The following HSD17B11 variants were observed in gnomAD, a reference collection of about 807,000 sequenced individuals.
HSD17B11 encodes hydroxysteroid 17-beta dehydrogenase 11, also known as estradiol 17-beta-dehydrogenase 11.
In HSD17B11, 22 loss-of-function variants were observed where a neutral mutation model predicts 27.8. That is an observed-to-expected ratio of 0.79 (90% CI 0.56 to 1.13). The LOEUF is 1.13. Among genes scored for constraint, HSD17B11 ranks in the 50% most tolerant of loss-of-function variants. HSD17B11 has a pLI of 0.00. For synonymous variants in HSD17B11, 117 were observed against 132.8 expected (o/e 0.88, Z 0.82); for missense variants, 314 against 351.1 (o/e 0.89, Z 0.84).
At chr4:87,380,004 G>C (rs370632741) in intron 2 of HSD17B11, among the ~76,000 whole-genome samples, 4 of 148,080 alleles carry the variant, frequency 2.7e-5, no homozygotes, top group African/African-American at 7.4e-5. Flanking sequence ...CCAGCTACTC[G>C]AGAGGCTGAG....
At position 87,391,093 on chromosome 4, in the gene HSD17B11, T is replaced by C. The variant is rs375730309; in HGVS notation, c.-23A>G. 3 of 1,540,116 alleles carry C rather than the reference T, an allele frequency of 1.9e-6. No homozygotes were observed. The highest frequency in any genetic ancestry group is 2.6e-6 in the Non-Finnish European group (3 of 1,147,452). On this transcript the variant is annotated 5_prime_UTR_variant, in exon 1 of 7. Coordinates refer to ENST00000358290, the MANE Select transcript of HSD17B11 (RefSeq NM_016245.5). ...CATCCCTTTTGTGGCTGCGAGCGTT[T>C]GGTGTGTTTTTTTTTTTTTTTACCA...
intron 4 of HSD17B11, among the ~76,000 whole-genome samples, chr4:87,357,875 C>T (rs532022623): frequency 1.4e-5 from 2 of 147,298 alleles, no homozygotes; most frequent in East Asian, 4.2e-4. Context: ...AAATTATTTT[C>T]TCATTATATA....
In HSD17B11 at chr4:87,382,263, C is replaced by A. The variant is rs767226254; in HGVS notation, c.310G>T (p.Ala104Ser). The A allele has an allele frequency of 1.8e-5, 29 of 1,611,208 alleles. No individual in the cohort carries two copies. Among genetic ancestry groups the A allele is most frequent in the Non-Finnish European group, 2.4e-5 (28 of 1,177,558 alleles). The change falls in exon 2 of 7, where the codon GCA becomes TCA. Residue 104 changes from alanine (A) to serine (S), a missense_variant. Transcript: ENST00000358290. ...CSNREDIYSS[A>S]KKVKAEIGDV... Reference sequence around the variant, plus strand: ...TAAACACAACATTTCACCTTCTTTGCAGAGCTGTAAATATCTTCTCGGTTG... The same window carrying A: ...TAAACACAACATTTCACCTTCTTTGAAGAGCTGTAAATATCTTCTCGGTTG...
At chr4:87,345,492 A>G (rs1001792264) in intron 5 of HSD17B11, among the ~76,000 whole-genome samples, 3 of 152,186 alleles carry the variant, frequency 2.0e-5, no homozygotes, top group Non-Finnish European at 4.4e-5. Context: ...GGACAGAAAA[A>G]CTACAGAGAA....
Position 87,357,375 on chromosome 4 carries a change from G to A in HSD17B11, c.599C>T (p.Thr200Ile). The A allele has an allele frequency of 1.2e-6, 2 of 1,613,640 alleles. No individual in the cohort carries two copies. ...TATTTGTAAGGCAGCCAGTTCATCT[G>A]TCAAAGTTTTATGAAATCCAACAGC... ...FAAVGFHKTL[T>I]DELAALQITG... The change falls in exon 5 of 7, where the codon ACA becomes ATA. Residue 200 changes from threonine (T) to isoleucine (I), a missense_variant. Coordinates refer to ENST00000358290, the MANE Select transcript of HSD17B11 (RefSeq NM_016245.5).
At chr4:87,363,861 C>T (rs1359384995) in intron 4 of HSD17B11, among the ~76,000 whole-genome samples, 4 of 152,214 alleles carry the variant, frequency 2.6e-5, no homozygotes, top group African/African-American at 7.2e-5. Context: ...ATTCTCTTCT[C>T]CTCCATGGAC....
At chr4:87,357,516 C>T (rs1430389908) in intron 4 of HSD17B11, 100 bp from the exon 5 acceptor site, 1 of 1,135,610 alleles carries the variant, frequency 8.8e-7, no homozygotes, top group East Asian at 2.7e-5. Flanking sequence ...TGGGCATTCC[C>T]TGAGTCTCAG....
chr4:87,355,966 G>C (rs892243835), intron 5 of HSD17B11, among the ~76,000 whole-genome samples: 1 of 152,158 alleles, frequency 6.6e-6, no homozygotes, highest in East Asian at 1.9e-4. Flanking sequence ...ATAGCAAAAA[G>C]TGAGCTGATG....
chr4:87,364,192 T>C (rs1418361563), intron 4 of HSD17B11, among the ~76,000 whole-genome samples: 1 of 149,388 alleles, frequency 6.7e-6, no homozygotes, highest in Non-Finnish European at 1.5e-5. Context: ...AATGCTCACA[T>C]GAAAGGCCCG....
chr4:87,378,885 T>TAAATAAATATATATATAA (rs1720020755), intron 2 of HSD17B11, among the ~76,000 whole-genome samples: 1 of 14,138 alleles, frequency 7.1e-5, no homozygotes, highest in Non-Finnish European at 1.2e-4. Flanking sequence ...TATATAAATA[T>TAAATAAATATATATATAA]ATATATATAA....
chr4:87,337,161 G>T lies in HSD17B11; in HGVS notation c.*115C>A. 1.4e-6 allele frequency: 1 copy of T among 725,138 alleles called. No individual in the cohort carries two copies. Among genetic ancestry groups the T allele is most frequent in the South Asian group, 1.6e-5 (1 of 63,122 alleles). The allele number at this position is 725,138 out of a possible 1,614,324, so 44.9% of individuals were successfully genotyped here. A position where few individuals can be genotyped will look rare whatever the true frequency, so the allele number is the denominator to read the frequency against. On this transcript the variant is annotated 3_prime_UTR_variant, in exon 7 of 7. Coordinates refer to ENST00000358290, the MANE Select transcript of HSD17B11 (RefSeq NM_016245.5). ...TGAAGACTGCCAAAGCCTCAAAAAT[G>T]ATATTGAAGAAATGGGGATAATTAG...
intron 4 of HSD17B11, among the ~76,000 whole-genome samples, chr4:87,365,036 G>T (rs1431684138): frequency 6.6e-6 from 1 of 152,234 alleles, no homozygotes; most frequent in Admixed American, 6.5e-5. Flanking sequence ...GGGTGTGGTG[G>T]TGGGCGCCTG....
At chr4:87,361,534 A>G (rs904836538) in intron 4 of HSD17B11, among the ~76,000 whole-genome samples, 5 of 152,090 alleles carry the variant, frequency 3.3e-5, no homozygotes, top group Non-Finnish European at 5.9e-5. Flanking sequence ...CTGGGAGGCC[A>G]AGGCGGGCGG....
intron 4 of HSD17B11, among the ~76,000 whole-genome samples, chr4:87,361,557 G>A (rs6531980): frequency 0.48 from 72,161 of 151,774 alleles, 17,607 homozygotes; most frequent in Non-Finnish European, 0.53. Context: ...CACGAGGTCA[G>A]GAGATCGAGA....
chr4:87,380,200 C>G (rs1720101873), intron 2 of HSD17B11, among the ~76,000 whole-genome samples: 1 of 150,458 alleles, frequency 6.6e-6, no homozygotes, highest in African/African-American at 2.4e-5. Context: ...AGCTTGCTTT[C>G]ATTATTAAGA....
intron 2 of HSD17B11, 61 bp downstream of exon 2, chr4:87,382,194 C>T: frequency 8.4e-7 from 1 of 1,192,862 alleles, no homozygotes; most frequent in Non-Finnish European, 1.3e-6. Flanking sequence ...CAGACTGGGT[C>T]ATCTCCAAAA....
chr4:87,378,749 C>A (rs895459386), intron 2 of HSD17B11, among the ~76,000 whole-genome samples: 13 of 137,060 alleles, frequency 9.5e-5, no homozygotes, highest in South Asian at 2.3e-4. Context: ...TAATTTTTAG[C>A]TCTCTCAAAT....
At chr4:87,363,782 TCA>T (rs1175435648) in intron 4 of HSD17B11, among the ~76,000 whole-genome samples, 1 of 152,242 alleles carries the variant, frequency 6.6e-6, no homozygotes, top group Non-Finnish European at 1.5e-5. Flanking sequence ...TTTTGCACTT[TCA>T]CAGTGGCAGT....
chr4:87,363,722 T>C (rs958923648), intron 4 of HSD17B11, among the ~76,000 whole-genome samples: 1 of 152,226 alleles, frequency 6.6e-6, no homozygotes, highest in Admixed American at 6.5e-5. Flanking sequence ...CTAGACTACT[T>C]CTGAGAAAAG....
Sources: allele counts gnomAD v4.1 joint callset (sites outside exome capture counted in the v4.1 genomes callset), GRCh38; gene constraint gnomAD v4.1.1; transcripts MANE v1.5; gene names NCBI Gene and HGNC (gene_info 2026-07-23, HGNC 2026-07-21).